The following ABL2 variants were observed in gnomAD, a reference collection of about 807,000 sequenced individuals.
ABL2 encodes the protein ABL proto-oncogene 2, non-receptor tyrosine kinase.
Under a neutral mutation model 107.7 loss-of-function variants are expected in ABL2, and 49 were observed. The observed-to-expected ratio is 0.45, with a 90% CI of 0.36 to 0.58. The LOEUF (loss-of-function observed/expected upper bound fraction) is 0.58. ABL2 is among the 20% of genes least tolerant of loss of function. The pLI, the probability that ABL2 is intolerant of heterozygous loss-of-function variation, is 0.00. For synonymous variants in ABL2, 549 were observed against 548.6 expected (o/e 1.00, Z -0.01); for missense variants, 1,245 against 1,457.0 (o/e 0.85, Z 2.37).
intron 1 of ABL2, among the ~76,000 whole-genome samples, chr1:179,227,928 G>C (rs528847480): frequency 6.6e-6 from 1 of 151,566 alleles, no homozygotes; most frequent in Non-Finnish European, 1.5e-5. Context: ...GCGGGCGCCT[G>C]TAATCCCAGC....
intron 10 of ABL2, chr1:179,110,897 C>G: frequency 6.2e-7 from 1 of 1,611,498 alleles, no homozygotes; most frequent in Non-Finnish European, 8.5e-7. Context: ...CCCTGCCAAC[C>G]TGTCCCCAAA....
At position 179,106,067 on chromosome 1, in the gene ABL2, A is replaced by G. The variant is rs964139619; in HGVS notation, c.*1651T>C. ...GAGCCAGAAGAAAACTCAGTGCTCA[A>G]TGTTGAATTCCTATCTTCCTAAGCT... On this transcript the variant is annotated 3_prime_UTR_variant, in exon 12 of 12. Coordinates refer to ENST00000502732, the MANE Select transcript of ABL2 (RefSeq NM_007314.4). The G allele has an allele frequency of 4.2e-5, 9 of 216,676 alleles. No homozygotes were observed. Among genetic ancestry groups the G allele is most frequent in the South Asian group, 1.9e-4 (1 of 5,370 alleles). The allele number at this position is 216,676 out of a possible 1,614,324, so 13.4% of individuals were successfully genotyped here.
In ABL2 at chr1:179,126,309, A is replaced by G; in HGVS notation, c.687+68T>C. Reference sequence around the variant, plus strand: ...GACATAAAATCTATTATTTCACTTCAATCACGTTGAATATTATTTCACAGA... The same window carrying G: ...GACATAAAATCTATTATTTCACTTCGATCACGTTGAATATTATTTCACAGA... On this transcript the variant is annotated intron_variant, in intron 4 of 11. Transcript: ENST00000502732. The surrounding 1 kb of genome is among the most constrained non-coding windows in gnomAD (Gnocchi z 4.4). The G allele has an allele frequency of 6.7e-7, 1 of 1,487,070 alleles. No homozygotes were observed. The highest frequency in any genetic ancestry group is 9.2e-7 in the Non-Finnish European group (1 of 1,088,752). The allele number at this position is 1,487,070 out of a possible 1,614,324, so 92.1% of individuals were successfully genotyped here. A position where few individuals can be genotyped will look rare whatever the true frequency, so the allele number is the denominator to read the frequency against.
chr1:179,227,755 T>C (rs1663300139), intron 1 of ABL2, among the ~76,000 whole-genome samples: 1 of 152,114 alleles, frequency 6.6e-6, no homozygotes, highest in African/African-American at 2.4e-5. Context: ...AAGCACATCT[T>C]CAATAGGAGA....
intron 1 of ABL2, among the ~76,000 whole-genome samples, chr1:179,169,758 T>C (rs1659607728): frequency 6.6e-6 from 1 of 152,060 alleles, no homozygotes; most frequent in South Asian, 2.1e-4. Context: ...TTTTAAAGAA[T>C]GTAGGGCTGA....
chr1:179,178,525 C>T (rs769792396), intron 1 of ABL2, among the ~76,000 whole-genome samples: 3 of 151,826 alleles, frequency 2.0e-5, no homozygotes, highest in African/African-American at 7.3e-5. Context: ...AACTAAATGA[C>T]CTTATAACTA....
At chr1:179,138,899 G>A (rs557902762) in intron 1 of ABL2, among the ~76,000 whole-genome samples, 4 of 152,354 alleles carry the variant, frequency 2.6e-5, no homozygotes, top group South Asian at 2.1e-4. Flanking sequence ...CTGGAGTTCC[G>A]GGTGGGCGTG....
intron 1 of ABL2, among the ~76,000 whole-genome samples, chr1:179,171,784 T>A (rs1412379589): frequency 6.6e-6 from 1 of 152,226 alleles, no homozygotes; most frequent in Non-Finnish European, 1.5e-5. Flanking sequence ...GTGCTGGGAT[T>A]ACAGACATGA....
At chr1:179,132,209 C>T (rs1217718432) in intron 2 of ABL2, among the ~76,000 whole-genome samples, 1 of 152,110 alleles carries the variant, frequency 6.6e-6, no homozygotes, top group East Asian at 1.9e-4. Context: ...AATTGAAGAG[C>T]CTAGAAAACA....
At chr1:179,110,629 TG>T in intron 10 of ABL2, 174 bp from the exon 11 acceptor site, 1 of 1,522,958 alleles carries the variant, frequency 6.6e-7, no homozygotes, top group Non-Finnish European at 8.8e-7. Flanking sequence ...CAGTATCATG[TG>T]TGTAGATTCG....
chr1:179,141,722 T>C (rs1657610762), intron 1 of ABL2, among the ~76,000 whole-genome samples: 1 of 152,244 alleles, frequency 6.6e-6, no homozygotes, highest in Admixed American at 6.5e-5. Flanking sequence ...ACTCCTCTTT[T>C]GTTCTCAAAG....
Position 179,167,945 on chromosome 1 carries a change from C to T in ABL2, c.158-34571G>A, listed in dbSNP as rs539408465. 2.6e-5 allele frequency among the ~76,000 whole-genome samples: 4 copies of T among 152,310 alleles called. No homozygotes were observed. In the South Asian group the frequency reaches 8.3e-4, roughly 32 times the overall value. ...AATGAGCCGAGATCGTGCCACTGCA[C>T]TCCAGCCTGGGTGACACAGCAAGAC... On this transcript the variant is annotated intron_variant, in intron 1 of 11. Coordinates refer to ENST00000502732, the MANE Select transcript of ABL2 (RefSeq NM_007314.4).
At chr1:179,137,412 T>C (rs1657136032) in intron 1 of ABL2, among the ~76,000 whole-genome samples, 1 of 152,102 alleles carries the variant, frequency 6.6e-6, no homozygotes, top group South Asian at 2.1e-4. Context: ...GAACACTACA[T>C]AATCCACACT....
At chr1:179,110,944 T>C in intron 10 of ABL2, 1 of 1,475,970 alleles carries the variant, frequency 6.8e-7, no homozygotes, top group East Asian at 2.3e-5. Flanking sequence ...GTGGTTACTC[T>C]GCATGCTTGC....
chr1:179,104,858 T>C lies in ABL2; in HGVS notation c.*2860A>G, dbSNP rs1653368777. 9.1e-6 allele frequency: 2 copies of C among 219,382 alleles called. No homozygotes were observed. The highest frequency in any genetic ancestry group is 1.2e-4 in the Admixed American group (2 of 17,274). The allele number at this position is 219,382 out of a possible 1,614,324, so 13.6% of individuals were successfully genotyped here. A position where few individuals can be genotyped will look rare whatever the true frequency, so the allele number is the denominator to read the frequency against. On this transcript the variant is annotated 3_prime_UTR_variant, in exon 12 of 12. Coordinates refer to ENST00000502732, the MANE Select transcript of ABL2 (RefSeq NM_007314.4). ...GGGCCTTTGCTCATTGCTTTTAGAATAGTTAAAATTAAACTACACTTTTCC... is the reference window on the plus strand; with the variant it reads ...GGGCCTTTGCTCATTGCTTTTAGAACAGTTAAAATTAAACTACACTTTTCC...
At position 179,105,554 on chromosome 1, in the gene ABL2, T is replaced by C. The variant is rs957923335; in HGVS notation, c.*2164A>G. 3 of 229,158 alleles carry C rather than the reference T, an allele frequency of 1.3e-5. No homozygotes were observed. The highest frequency in any genetic ancestry group is 4.4e-5 in the African/African-American group (2 of 45,062). The allele number at this position is 229,158 out of a possible 1,614,324, so 14.2% of individuals were successfully genotyped here. A position where few individuals can be genotyped will look rare whatever the true frequency, so the allele number is the denominator to read the frequency against. The stretch of plus-strand genomic sequence containing the variant: ...CGCTGGTTTTTACATCTGAGTTCTC[T>C]TCCAACCACTAGGAGGAGATGAACC... On this transcript the variant is annotated 3_prime_UTR_variant, in exon 12 of 12. Coordinates refer to ENST00000502732, the MANE Select transcript of ABL2 (RefSeq NM_007314.4).
intron 1 of ABL2, among the ~76,000 whole-genome samples, chr1:179,188,007 CT>C (rs1274673178): frequency 6.6e-6 from 1 of 152,176 alleles, no homozygotes; most frequent in African/African-American, 2.4e-5. Flanking sequence ...CTTTTACTTT[CT>C]TTTTCCTCTT....
intron 1 of ABL2, chr1:179,137,664 T>C (rs534580745): frequency 3.2e-4 from 49 of 152,292 alleles, no homozygotes; most frequent in African/African-American, 1.0e-3. Flanking sequence ...AACCAGCAAA[T>C]GTCATATAGT....
chr1:179,210,844 ACT>A (rs1340051469), intron 1 of ABL2, among the ~76,000 whole-genome samples: 8 of 151,964 alleles, frequency 5.3e-5, no homozygotes, highest in Non-Finnish European at 1.0e-4. Flanking sequence ...ACACAGCAAG[ACT>A]CTGTCTCAAA....
Sources: gnomAD v4.1 joint callset for allele counts (sites outside exome capture counted in the v4.1 genomes callset) on GRCh38, gnomAD v4.1.1 for gene constraint, Gnocchi (gnomAD v3.1) non-coding constraint, MANE v1.5 for transcripts, NCBI Gene and HGNC (gene_info 2026-07-23, HGNC 2026-07-21) for gene names.